The following VAPB variants were observed in gnomAD, a reference collection of about 807,000 sequenced individuals.
VAPB encodes vesicle-associated membrane protein-associated protein B/C.
Under a neutral mutation model 25.6 loss-of-function variants are expected in VAPB, and 7 were observed. The ratio of observed to expected loss-of-function variants is 0.27; its 90% CI spans 0.16 to 0.51. The LOEUF is 0.51. VAPB is among the 20% of genes least tolerant of loss of function. VAPB has a pLI of 0.97. For synonymous variants in VAPB, 112 were observed against 109.2 expected, an observed-to-expected ratio of 1.03 and a Z score of -0.16; for missense variants, 266 against 301.3, an observed-to-expected ratio of 0.88 and a Z score of 0.87.
rs752709224 is a variant in VAPB at position 58,440,895 on chromosome 20, G to T, written c.397-12G>T. 7.4e-6 allele frequency: 12 copies of T among 1,611,674 alleles called. No homozygotes were observed. The highest frequency in any genetic ancestry group is 1.3e-5 in the African/African-American group (1 of 74,842). Reference sequence around the variant, plus strand: ...GTCGGTGACACTTAGGCTTTCATTTGTTTTTGAACAGCATGATGTAGAAAT... The same window carrying T: ...GTCGGTGACACTTAGGCTTTCATTTTTTTTTGAACAGCATGATGTAGAAAT... On this transcript the variant is annotated splice_polypyrimidine_tract_variant and intron_variant, in intron 4 of 5. Coordinates refer to ENST00000475243, the MANE Select transcript of VAPB (RefSeq NM_004738.5).
At chr20:58,421,609 A>T (rs1389745275) in intron 2 of VAPB, among the ~76,000 whole-genome samples, 5 of 152,040 alleles carry the variant, frequency 3.3e-5, no homozygotes, top group Admixed American at 3.3e-4. Context: ...TGACCAGTGC[A>T]TTTTTCCCAT....
chr20:58,413,769 G>C (rs527496101), intron 1 of VAPB, among the ~76,000 whole-genome samples: 1 of 150,260 alleles, frequency 6.7e-6, no homozygotes, highest in African/African-American at 2.4e-5. Flanking sequence ...CTGGCCGGGC[G>C]GGGGGCTGAC....
At chr20:58,429,141 T>C (rs1173603671) in intron 2 of VAPB, among the ~76,000 whole-genome samples, 1 of 119,972 alleles carries the variant, frequency 8.3e-6, no homozygotes, top group East Asian at 2.3e-4. Flanking sequence ...CTTGTTAGAC[T>C]TTTTTTTTTT....
intron 2 of VAPB, among the ~76,000 whole-genome samples, chr20:58,420,324 C>T (rs978352661): frequency 9.2e-5 from 14 of 152,334 alleles, no homozygotes; most frequent in African/African-American, 3.1e-4. Context: ...GTTTCCCCAT[C>T]ATAGGAATTT....
At position 58,448,481 on chromosome 20, in the gene VAPB, G is replaced by A. The variant is rs758863937; in HGVS notation, c.*4246G>A. 8.8e-6 allele frequency: 4 copies of A among 454,106 alleles called. No homozygotes were observed. Among genetic ancestry groups the A allele is most frequent in the South Asian group, 4.7e-5 (3 of 64,478 alleles). 28.1% of individuals were successfully genotyped at this position (454,106 alleles called of 1,614,324 possible). A position where few individuals can be genotyped will look rare whatever the true frequency, so the allele number is the denominator to read the frequency against. ...TCCTTGCAACTGTGACTGGGGGGTA[G>A]ATGGCTCTGTTTGCATACGAAGAAA... is the stretch of plus-strand genomic sequence containing the variant. On this transcript the variant is annotated 3_prime_UTR_variant, in exon 6 of 6. Transcript: ENST00000475243.
chr20:58,434,525 A>C, intron 2 of VAPB, 77 bp from the exon 3 acceptor site: 1 of 798,772 alleles, frequency 1.3e-6, no homozygotes, highest in East Asian at 2.5e-5. Context: ...CTTTACAACC[A>C]AAGTACAAGT....
At chr20:58,402,241 T>G (rs1988113192) in intron 1 of VAPB, among the ~76,000 whole-genome samples, 1 of 152,216 alleles carries the variant, frequency 6.6e-6, no homozygotes, top group African/African-American at 2.4e-5. Context: ...TGCTTGTGTT[T>G]CAGCCTTTTA....
chr20:58,422,829 T>C (rs772835249), intron 2 of VAPB, among the ~76,000 whole-genome samples: 1 of 152,204 alleles, frequency 6.6e-6, no homozygotes, highest in Non-Finnish European at 1.5e-5. Context: ...AGTTCAGTTA[T>C]GCACATTGGT....
chr20:58,427,649 T>C (rs1275394821), intron 2 of VAPB, among the ~76,000 whole-genome samples: 2 of 151,780 alleles, frequency 1.3e-5, no homozygotes, highest in African/African-American at 2.4e-5. Context: ...TCTGTTACCA[T>C]TATGATGCAG....
chr20:58,449,724 A>G lies in VAPB; in HGVS notation c.*5489A>G, dbSNP rs1490876793. 2.2e-6 allele frequency: 1 copy of G among 454,088 alleles called. No homozygotes were observed. Among genetic ancestry groups the G allele is most frequent in the Admixed American group, 2.3e-5 (1 of 42,574 alleles). 28.1% of individuals were successfully genotyped at this position (454,088 alleles called of 1,614,324 possible). On this transcript the variant is annotated 3_prime_UTR_variant, in exon 6 of 6. Transcript: ENST00000475243. ...GATCCTGTAACAATGCCCGATTACAATTGCTTTATTACACCCCAGGGCTGA... is the reference window on the plus strand; with the variant it reads ...GATCCTGTAACAATGCCCGATTACAGTTGCTTTATTACACCCCAGGGCTGA...
Position 58,444,685 on chromosome 20 carries a change from G to T in VAPB, c.*450G>T. 2.2e-6 allele frequency: 1 copy of T among 454,376 alleles called. No individual in the cohort carries two copies. The highest frequency in any genetic ancestry group is 1.6e-5 in the South Asian group (1 of 64,470). The allele number at this position is 454,376 out of a possible 1,614,324, so 28.1% of individuals were successfully genotyped here. A position where few individuals can be genotyped will look rare whatever the true frequency, so the allele number is the denominator to read the frequency against. On this transcript the variant is annotated 3_prime_UTR_variant, in exon 6 of 6. Transcript: ENST00000475243. ...AGTAGTCCCCACGTGGCCCACTCCC[G>T]GCCCAGGCTGCTTTCCGTGTCTTCA...
intron 1 of VAPB, among the ~76,000 whole-genome samples, chr20:58,417,330 T>G (rs1054859973): frequency 2.6e-5 from 4 of 152,238 alleles, no homozygotes; most frequent in African/African-American, 9.6e-5. Context: ...TATGTATTGT[T>G]TGTGTAAACA....
At chr20:58,391,568 C>CT (rs1970310303) in intron 1 of VAPB, among the ~76,000 whole-genome samples, 2 of 151,814 alleles carry the variant, frequency 1.3e-5, no homozygotes, top group African/African-American at 4.8e-5. Context: ...AGTTCTCACT[C>CT]TGTCACCCAG....
chr20:58,447,926 A>G lies in VAPB; in HGVS notation c.*3691A>G, dbSNP rs1161376256. The G allele has an allele frequency of 4.5e-6, 2 of 448,782 alleles. No homozygotes were observed. Among genetic ancestry groups the G allele is most frequent in the Non-Finnish European group, 8.9e-6 (2 of 225,272 alleles). The allele number at this position is 448,782 out of a possible 1,614,324, so 27.8% of individuals were successfully genotyped here. A position where few individuals can be genotyped will look rare whatever the true frequency, so the allele number is the denominator to read the frequency against. On this transcript the variant is annotated 3_prime_UTR_variant, in exon 6 of 6. Transcript: ENST00000475243. ...ACTTTGAACACCTGAATAACATTTA[A>G]CTCCTGAGACCTTCTCGGTGTAGAG...
chr20:58,403,300 C>T (rs1190171735), intron 1 of VAPB, among the ~76,000 whole-genome samples: 3 of 152,142 alleles, frequency 2.0e-5, no homozygotes, highest in Non-Finnish European at 2.9e-5. Flanking sequence ...TATTTTGCAT[C>T]GTTAGCCTAT....
At chr20:58,401,806 G>A (rs1412187867) in intron 1 of VAPB, among the ~76,000 whole-genome samples, 1 of 152,132 alleles carries the variant, frequency 6.6e-6, no homozygotes, top group East Asian at 1.9e-4. Context: ...TACGTTAAAT[G>A]CAGCATGACC....
At position 58,447,349 on chromosome 20, in the gene VAPB, C is replaced by G. The variant is rs1234710226; in HGVS notation, c.*3114C>G. ...TCCTCCTAGTTTGCATGTTTTCCTT[C>G]TCTCGTCTTCTGAACTGCTGGCACC... On this transcript the variant is annotated 3_prime_UTR_variant, in exon 6 of 6. Transcript: ENST00000475243. 1 of 454,064 alleles carries G rather than the reference C, an allele frequency of 2.2e-6. No homozygotes were observed. The highest frequency in any genetic ancestry group is 1.6e-5 in the South Asian group (1 of 64,478). The allele number at this position is 454,064 out of a possible 1,614,324, so 28.1% of individuals were successfully genotyped here. A position where few individuals can be genotyped will look rare whatever the true frequency, so the allele number is the denominator to read the frequency against.
intron 1 of VAPB, among the ~76,000 whole-genome samples, chr20:58,396,314 G>T (rs2024552): frequency 0.21 from 31,538 of 152,002 alleles, 3,698 homozygotes; most frequent in African/African-American, 0.3. Context: ...AGGGCACATT[G>T]GCCGATACCT....
intron 1 of VAPB, among the ~76,000 whole-genome samples, chr20:58,402,830 C>T (rs1600777407): frequency 6.6e-6 from 1 of 152,104 alleles, no homozygotes; most frequent in South Asian, 2.1e-4. Context: ...TATGGCGAAA[C>T]CCCATCTCTA....
Sources: allele counts gnomAD v4.1 joint callset (sites outside exome capture counted in the v4.1 genomes callset), GRCh38; gene constraint gnomAD v4.1.1; transcripts MANE v1.5; gene names NCBI Gene and HGNC (gene_info 2026-07-23, HGNC 2026-07-21).